Variants in FRAS1 observed in about 807,000 individuals in gnomAD.
FRAS1 encodes the protein Fraser extracellular matrix complex subunit 1.
In FRAS1, 290 loss-of-function variants were observed where a neutral mutation model predicts 435.2. The ratio of observed to expected loss-of-function variants is 0.67; its 90% confidence interval spans 0.61 to 0.73. The LOEUF is 0.73. Among genes scored for constraint, FRAS1 ranks in the 30% least tolerant of loss-of-function variants. FRAS1 has a pLI of 0.00. For missense variants in FRAS1, 4,860 were observed against 5,001.5 expected (o/e 0.97, Z 0.85); for synonymous variants, 1,800 against 1,851.0 (o/e 0.97, Z 0.71).
chr4:78,471,163 A>G (rs1375782775), intron 51 of FRAS1, among the ~76,000 whole-genome samples: 1 of 152,158 alleles, frequency 6.6e-6, no homozygotes, highest in African/African-American at 2.4e-5. Context: ...TTTAAGATCT[A>G]TGCCATAATT....
intron 31 of FRAS1, among the ~76,000 whole-genome samples, chr4:78,411,053 T>A (rs573542318): frequency 2.6e-5 from 4 of 152,266 alleles, no homozygotes; most frequent in African/African-American, 9.6e-5. Flanking sequence ...ATAATTCTTT[T>A]CCTTTTTTCT....
intron 60 of FRAS1, among the ~76,000 whole-genome samples, chr4:78,498,367 G>A (rs111909662): frequency 0.011 from 1,661 of 152,214 alleles, 11 homozygotes; most frequent in Non-Finnish European, 0.013. Context: ...TTAGCCAGGC[G>A]TGGTGGCATG....
At chr4:78,424,117 G>A (rs1448116149) in intron 34 of FRAS1, among the ~76,000 whole-genome samples, 2 of 152,112 alleles carry the variant, frequency 1.3e-5, no homozygotes, top group South Asian at 4.1e-4. Context: ...GTGATAAAAT[G>A]GGTTCTGAAT....
intron 2 of FRAS1, among the ~76,000 whole-genome samples, chr4:78,233,521 T>G (rs143036092): frequency 1.3e-5 from 1 of 79,896 alleles, no homozygotes; most frequent in African/African-American, 4.1e-5. Context: ...AATGAAATAG[T>G]TAGAAGACAT....
intron 2 of FRAS1, among the ~76,000 whole-genome samples, chr4:78,141,460 A>C (rs1176994160): frequency 6.6e-6 from 1 of 152,176 alleles, no homozygotes; most frequent in Non-Finnish European, 1.5e-5. Context: ...TCTCCCACTA[A>C]AAACAACTAG....
At position 78,482,665 on chromosome 4, in the gene FRAS1, T is replaced by C. The variant is rs1720049253; in HGVS notation, c.8752+130T>C. Reference sequence around the variant, plus strand: ...ATATGTGTGTGTAGATGTGTATACGTGAGCATTTGCACTTTTACATAGCAG... The same window carrying C: ...ATATGTGTGTGTAGATGTGTATACGCGAGCATTTGCACTTTTACATAGCAG... On this transcript the variant is annotated intron_variant, in intron 58 of 73. Transcript: ENST00000512123. 4 of 952,628 alleles carry C rather than the reference T, an allele frequency of 4.2e-6. No homozygotes were observed. The South Asian group carries it at 4.9e-5, about 12-fold the overall frequency. The allele number at this position is 952,628 out of a possible 1,614,324, so 59.0% of individuals were successfully genotyped here. A position where few individuals can be genotyped will look rare whatever the true frequency, so the allele number is the denominator to read the frequency against.
chr4:78,496,692 A>G (rs1306520796), intron 59 of FRAS1, 113 bp from the exon 60 acceptor site: 1 of 1,028,060 alleles, frequency 9.7e-7, no homozygotes, highest in East Asian at 2.5e-5. Flanking sequence ...ATCCTTTTGA[A>G]TTTGTGTGGA....
At chr4:78,104,417 C>T (rs931356394) in intron 2 of FRAS1, among the ~76,000 whole-genome samples, 1 of 152,124 alleles carries the variant, frequency 6.6e-6, no homozygotes, top group Non-Finnish European at 1.5e-5. Flanking sequence ...AGATCTGATG[C>T]CACCCACTAA....
intron 57 of FRAS1, 95 bp from the exon 58 acceptor site, chr4:78,482,293 C>T (rs1254389701): frequency 7.1e-7 from 1 of 1,401,774 alleles, no homozygotes; most frequent in Non-Finnish European, 9.9e-7. Context: ...TTTAAAACCA[C>T]CAAAGACAGG....
At chr4:78,384,171 A>G in intron 28 of FRAS1, 28 bp downstream of exon 28, 1 of 1,442,304 alleles carries the variant, frequency 6.9e-7, no homozygotes, top group Non-Finnish European at 9.5e-7. Context: ...GTAATTAATA[A>G]TTTTACATGA....
At chr4:78,196,948 G>A (rs1722838851) in intron 2 of FRAS1, among the ~76,000 whole-genome samples, 1 of 152,146 alleles carries the variant, frequency 6.6e-6, no homozygotes, top group Admixed American at 6.5e-5. Flanking sequence ...TGGTTGCAAT[G>A]CAGGGAAGTA....
At position 78,514,512 on chromosome 4, in the gene FRAS1, A is replaced by G. The variant is rs564556512; in HGVS notation, c.10174+960A>G. 7.9e-5 allele frequency among the ~76,000 whole-genome samples: 12 copies of G among 152,372 alleles called. No individual in the cohort carries two copies. The South Asian group carries it at 2.5e-3, about 32-fold the overall frequency. ...GGTCATGATGGTCTTTATACAGTAG[A>G]AATTAGCTGAGTGAAAATTATTTAT... On this transcript the variant is annotated intron_variant, in intron 65 of 73. Transcript: ENST00000512123.
chr4:78,170,904 C>T (rs1721521904), intron 2 of FRAS1, among the ~76,000 whole-genome samples: 1 of 152,084 alleles, frequency 6.6e-6, no homozygotes, highest in Non-Finnish European at 1.5e-5. Flanking sequence ...TCCCTCCTCT[C>T]TCATGAGGAG....
At chr4:78,539,462 G>C in intron 73 of FRAS1, 22 bp downstream of exon 73, 1 of 1,489,310 alleles carries the variant, frequency 6.7e-7, no homozygotes, top group Non-Finnish European at 9.0e-7. Context: ...GAGAAGAACA[G>C]AAGCTTAAGA....
At chr4:78,062,770 C>A (rs1739816210) in intron 1 of FRAS1, among the ~76,000 whole-genome samples, 1 of 152,194 alleles carries the variant, frequency 6.6e-6, no homozygotes, top group Non-Finnish European at 1.5e-5. Context: ...AATGAGCCAG[C>A]CACACAGTAA....
At chr4:78,460,071 C>A (rs544076611) in intron 47 of FRAS1, among the ~76,000 whole-genome samples, 70 of 152,242 alleles carry the variant, frequency 4.6e-4, no homozygotes, top group Admixed American at 1.1e-3. Context: ...AATCCTGAAG[C>A]AAGAAGGCTG....
At chr4:78,193,691 A>C (rs1384701893) in intron 2 of FRAS1, among the ~76,000 whole-genome samples, 2 of 152,254 alleles carry the variant, frequency 1.3e-5, no homozygotes, top group East Asian at 1.9e-4. Flanking sequence ...GGTTACCTGA[A>C]TACAGCACAC....
chr4:78,111,638 A>G (rs1742702178), intron 2 of FRAS1, among the ~76,000 whole-genome samples: 1 of 112,898 alleles, frequency 8.9e-6, no homozygotes, highest in African/African-American at 3.5e-5. Context: ...GCATTGGGAG[A>G]TATACCTAAT....
At chr4:78,383,269 G>C (rs1394685002) in intron 27 of FRAS1, among the ~76,000 whole-genome samples, 1 of 152,204 alleles carries the variant, frequency 6.6e-6, no homozygotes, top group Non-Finnish European at 1.5e-5. Context: ...GGGTGGCTCA[G>C]ATCTCAAAGG....
Sources: allele counts gnomAD v4.1 joint callset (sites outside exome capture counted in the v4.1 genomes callset), GRCh38; gene constraint gnomAD v4.1.1; transcripts MANE v1.5; gene names NCBI Gene and HGNC (gene_info 2026-07-23, HGNC 2026-07-21).